ADAMTSL3: variants seen among roughly 807,000 people sequenced by gnomAD.
ADAMTSL3 encodes the protein ADAMTS like 3, also known as ADAMTS-like protein 3.
A neutral mutation model predicts 201.7 loss-of-function variants in ADAMTSL3; 128 were observed. The observed-to-expected ratio is 0.63, with a 90% CI of 0.55 to 0.73. ADAMTSL3 has a LOEUF of 0.73. Ranked by LOEUF, ADAMTSL3 falls within the 30% of genes least tolerant of loss-of-function variation. The probability of loss-of-function intolerance (pLI) is 0.00; values close to 1 mark genes in which losing one functional copy is unlikely to be tolerated. For missense variants in ADAMTSL3, 1,990 were observed against 2,119.6 expected, an observed-to-expected ratio of 0.94 and a Z score of 1.20; for synonymous variants, 738 against 748.4, an observed-to-expected ratio of 0.99 and a Z score of 0.23.
intron 3 of ADAMTSL3, among the ~76,000 whole-genome samples, chr15:83,770,418 T>C (rs1338146460): frequency 6.6e-6 from 1 of 152,244 alleles, no homozygotes; most frequent in Non-Finnish European, 1.5e-5. Context: ...TTAGAGCTAA[T>C]TTGGTATGTT....
At chr15:83,723,758 G>A (rs773933438) in intron 3 of ADAMTSL3, among the ~76,000 whole-genome samples, 5 of 152,030 alleles carry the variant, frequency 3.3e-5, no homozygotes, top group Non-Finnish European at 7.4e-5. Flanking sequence ...AAAAATAACA[G>A]TGGTTATCAC....
At chr15:83,988,880 TTTATTTA>T in intron 22 of ADAMTSL3, 62 bp downstream of exon 22, 7 of 1,050,800 alleles carry the variant, frequency 6.7e-6, no homozygotes, top group Non-Finnish European at 8.4e-6. Flanking sequence ...TATTTATTTA[TTTATTTA>T]TTTTTTTTTT....
At chr15:83,898,625 C>T (rs180903681) in intron 14 of ADAMTSL3, among the ~76,000 whole-genome samples, 1 of 152,242 alleles carries the variant, frequency 6.6e-6, no homozygotes, top group East Asian at 1.9e-4. Context: ...TGGGTAGCAT[C>T]CAGGGATAGG....
intron 2 of ADAMTSL3, among the ~76,000 whole-genome samples, chr15:83,682,785 A>G (rs1247726504): frequency 6.6e-6 from 1 of 152,240 alleles, no homozygotes; most frequent in Non-Finnish European, 1.5e-5. Context: ...TCATCTAATG[A>G]CTTTCCTACA....
chr15:83,790,891 A>G (rs2063333331), intron 4 of ADAMTSL3, among the ~76,000 whole-genome samples: 1 of 152,216 alleles, frequency 6.6e-6, no homozygotes, highest in East Asian at 1.9e-4. Flanking sequence ...TTAAAAATAC[A>G]GTGCCATTAA....
intron 7 of ADAMTSL3, among the ~76,000 whole-genome samples, chr15:83,852,728 T>A (rs557731892): frequency 6.6e-6 from 1 of 152,328 alleles, no homozygotes; most frequent in South Asian, 2.1e-4. Context: ...TAATTATAAT[T>A]TTTCCTTCTT....
intron 17 of ADAMTSL3, among the ~76,000 whole-genome samples, chr15:83,935,172 C>T (rs1413450794): frequency 6.6e-6 from 1 of 152,108 alleles, no homozygotes; most frequent in African/African-American, 2.4e-5. Flanking sequence ...TGCACTTGTA[C>T]CCCTTACATT....
chr15:83,777,305 T>TG (rs1373010051), intron 4 of ADAMTSL3, among the ~76,000 whole-genome samples: 8 of 152,186 alleles, frequency 5.3e-5, no homozygotes, highest in African/African-American at 2.4e-5. Flanking sequence ...TATGTGCAAA[T>TG]GAGTATGGAT....
chr15:83,925,956 A>T (rs1386387576), intron 17 of ADAMTSL3, among the ~76,000 whole-genome samples: 1 of 152,146 alleles, frequency 6.6e-6, no homozygotes, highest in Non-Finnish European at 1.5e-5. Context: ...TTCTCAACAT[A>T]TTTCCCCATG....
At chr15:83,867,830 C>T (rs908990303) in intron 8 of ADAMTSL3, among the ~76,000 whole-genome samples, 1 of 152,136 alleles carries the variant, frequency 6.6e-6, no homozygotes, top group African/African-American at 2.4e-5. Context: ...TGATACTTCT[C>T]AGTGCAGATC....
At chr15:83,699,206 A>G (rs887838034) in intron 2 of ADAMTSL3, among the ~76,000 whole-genome samples, 12 of 152,108 alleles carry the variant, frequency 7.9e-5, no homozygotes, top group African/African-American at 2.9e-4. Context: ...GGACTTGCAT[A>G]TTGAATGGCA....
intron 3 of ADAMTSL3, among the ~76,000 whole-genome samples, chr15:83,722,031 A>G (rs1206773765): frequency 2.0e-5 from 3 of 152,114 alleles, no homozygotes; most frequent in Non-Finnish European, 2.9e-5. Flanking sequence ...GCACCTGGCC[A>G]CAGATTTATG....
At chr15:83,697,948 C>G (rs1827270834) in intron 2 of ADAMTSL3, among the ~76,000 whole-genome samples, 1 of 152,090 alleles carries the variant, frequency 6.6e-6, no homozygotes, top group South Asian at 2.1e-4. Flanking sequence ...AGAGTAACCT[C>G]ATTAGAACAA....
chr15:83,721,963 C>T (rs1327080931), intron 3 of ADAMTSL3, among the ~76,000 whole-genome samples: 1 of 152,108 alleles, frequency 6.6e-6, no homozygotes, highest in Non-Finnish European at 1.5e-5. Flanking sequence ...GAACTCCTGA[C>T]CTCATGATCC....
rs779181889 is a variant in ADAMTSL3, at chr15:83,892,667, AT to A, written c.1263-14del. 1.9e-4 allele frequency: 297 copies of A among 1,595,118 alleles called. No individual in the cohort carries two copies. The highest frequency in any genetic ancestry group is 2.4e-4 in the Non-Finnish European group (276 of 1,170,274). On this transcript the variant is annotated splice_polypyrimidine_tract_variant and intron_variant, in intron 12 of 29. Coordinates refer to ENST00000286744, the MANE Select transcript of ADAMTSL3 (RefSeq NM_207517.3). Reference sequence around the variant, plus strand: ...AACAACAAATAAATAATATAATTTTATTTGTTTGCTTTTGAGCTGGGAACAT... The same window carrying A: ...AACAACAAATAAATAATATAATTTTATTGTTTGCTTTTGAGCTGGGAACAT...
intron 23 of ADAMTSL3, among the ~76,000 whole-genome samples, chr15:83,992,157 A>G (rs1216235813): frequency 6.6e-6 from 1 of 152,042 alleles, no homozygotes; most frequent in Admixed American, 6.6e-5. Context: ...GTGACAGAGG[A>G]GCTTTTGCTG....
intron 10 of ADAMTSL3, among the ~76,000 whole-genome samples, chr15:83,889,090 A>G (rs901090265): frequency 1.3e-5 from 2 of 152,236 alleles, no homozygotes; most frequent in Non-Finnish European, 2.9e-5. Context: ...AAATAGAAGC[A>G]TCATTTTGTG....
intron 16 of ADAMTSL3, among the ~76,000 whole-genome samples, chr15:83,923,159 A>G (rs2066179433): frequency 6.6e-6 from 1 of 152,202 alleles, no homozygotes; most frequent in Non-Finnish European, 1.5e-5. Flanking sequence ...TATGTACAAA[A>G]GAAAGATCAC....
intron 6 of ADAMTSL3, among the ~76,000 whole-genome samples, chr15:83,824,555 T>C (rs1013412696): frequency 6.6e-6 from 1 of 152,164 alleles, no homozygotes; most frequent in African/African-American, 2.4e-5. Context: ...TTTGGACAAA[T>C]GTATAATGAC....
Sources: allele counts gnomAD v4.1 joint callset (sites outside exome capture counted in the v4.1 genomes callset), GRCh38; gene constraint gnomAD v4.1.1; transcripts MANE v1.5; gene names NCBI Gene and HGNC (gene_info 2026-07-23, HGNC 2026-07-21).